VEPH1: variants seen among roughly 807,000 people sequenced by gnomAD.
VEPH1 encodes the protein ventricular zone-expressed PH domain-containing protein homolog 1.
Under a neutral mutation model 85.2 loss-of-function variants are expected in VEPH1, and 80 were observed. The ratio of observed to expected loss-of-function variants is 0.94; its 90% CI spans 0.78 to 1.13. The LOEUF is 1.13. Among genes scored for constraint, VEPH1 ranks in the 50% most tolerant of loss-of-function variants. The probability of loss-of-function intolerance (pLI) is 0.00; values close to 1 mark genes in which losing one functional copy is unlikely to be tolerated. For missense variants in VEPH1, 955 were observed against 980.5 expected (o/e 0.97, Z 0.35); for synonymous variants, 297 against 348.0 (o/e 0.85, Z 1.63).
At chr3:157,450,130 G>A (rs1198644063) in intron 4 of VEPH1, among the ~76,000 whole-genome samples, 19 of 134,130 alleles carry the variant, frequency 1.4e-4, no homozygotes, top group Non-Finnish European at 2.3e-4. Context: ...ATTACAGCTT[G>A]CTGCAGCTTC....
chr3:157,441,626 G>GGT (rs1201282751), intron 4 of VEPH1, among the ~76,000 whole-genome samples: 2 of 151,938 alleles, frequency 1.3e-5, no homozygotes, highest in Non-Finnish European at 2.9e-5. Flanking sequence ...TGGCCAACAT[G>GGT]GTGAAACCCC....
intron 5 of VEPH1, among the ~76,000 whole-genome samples, chr3:157,424,680 C>T (rs1732619813): frequency 6.6e-6 from 1 of 152,136 alleles, no homozygotes; most frequent in Non-Finnish European, 1.5e-5. Context: ...TTTGCCCCTG[C>T]CCTAGGGATT....
At chr3:157,485,481 G>A (rs1231870605) in intron 2 of VEPH1, among the ~76,000 whole-genome samples, 1 of 151,910 alleles carries the variant, frequency 6.6e-6, no homozygotes, top group African/African-American at 2.4e-5. Flanking sequence ...AAATGTTAAA[G>A]GCAACTATAT....
chr3:157,463,507 C>A (rs1270177637), intron 3 of VEPH1, among the ~76,000 whole-genome samples: 3 of 152,132 alleles, frequency 2.0e-5, no homozygotes, highest in Non-Finnish European at 2.9e-5. Context: ...TCTAGATTGT[C>A]TCCCCTCCCA....
At chr3:157,442,329 T>A in intron 4 of VEPH1, 2 of 1,467,638 alleles carry the variant, frequency 1.4e-6, no homozygotes, top group Non-Finnish European at 1.8e-6. Flanking sequence ...TAATTTATAT[T>A]TTCTTTAATA....
intron 5 of VEPH1, among the ~76,000 whole-genome samples, chr3:157,421,824 C>T (rs563120895): frequency 9.2e-5 from 14 of 152,218 alleles, no homozygotes; most frequent in Admixed American, 7.8e-4. Context: ...CACAATACCC[C>T]ATTACAACTT....
chr3:157,438,035 G>GCACACACA (rs1294089889), intron 4 of VEPH1: 34 of 701,810 alleles, frequency 4.8e-5, no homozygotes, highest in East Asian at 3.2e-4. Context: ...GCGCGCGCGC[G>GCACACACA]CGCACACACA....
intron 2 of VEPH1, among the ~76,000 whole-genome samples, chr3:157,481,693 A>G (rs1738113187): frequency 6.6e-6 from 1 of 152,142 alleles, no homozygotes; most frequent in Non-Finnish European, 1.5e-5. Context: ...CCAATGTCCA[A>G]AATGGTGTTT....
intron 9 of VEPH1, among the ~76,000 whole-genome samples, chr3:157,350,668 A>G (rs1404893881): frequency 6.6e-6 from 1 of 152,112 alleles, no homozygotes; most frequent in Non-Finnish European, 1.5e-5. Context: ...CAAATATCTT[A>G]ACAGCAAAAA....
rs775640817 is a variant in VEPH1 at position 157,460,071 on chromosome 3, A to ATTTGCTTCT, written c.529+101_529+109dup. 3 of 1,606,568 alleles carry ATTTGCTTCT rather than the reference A, an allele frequency of 1.9e-6. No homozygotes were observed. The East Asian group carries it at 6.7e-5, about 36-fold the overall frequency. Reference sequence around the variant, plus strand: ...AACTGGCAGCAAAACAGAGAAATTAATTTGCTTCTAATACTCTAGGTCTTG... The same window carrying ATTTGCTTCT: ...AACTGGCAGCAAAACAGAGAAATTAATTTGCTTCTTTTGCTTCTAATACTCTAGGTCTTG... On this transcript the variant is annotated intron_variant, in intron 4 of 13. Coordinates refer to ENST00000362010, the MANE Select transcript of VEPH1 (RefSeq NM_001167912.2).
chr3:157,277,146 C>T (rs1715506836), intron 12 of VEPH1, among the ~76,000 whole-genome samples: 2 of 152,188 alleles, frequency 1.3e-5, no homozygotes, highest in Admixed American at 1.3e-4. Context: ...CCACCTGGGC[C>T]TCCCAAAATG....
intron 11 of VEPH1, among the ~76,000 whole-genome samples, chr3:157,309,806 G>A (rs1381471532): frequency 6.6e-6 from 1 of 151,986 alleles, no homozygotes; most frequent in African/African-American, 2.4e-5. Context: ...TTGAGACAGA[G>A]TCTCACTCTG....
intron 2 of VEPH1, among the ~76,000 whole-genome samples, chr3:157,473,821 AT>A (rs912782131): frequency 4.9e-4 from 75 of 152,208 alleles, no homozygotes; most frequent in African/African-American, 1.7e-3. Flanking sequence ...TATTGAGTTT[AT>A]TTTTAAATAA....
In VEPH1 at chr3:157,304,019, T is replaced by TATATATATATATATATATATATA. The variant is rs71872669; in HGVS notation, c.2010+9601_2010+9602insTATATATATATATATATATATAT. Among the ~76,000 whole-genome samples, 433 of 51,928 alleles carry TATATATATATATATATATATATA rather than the reference T, an allele frequency of 8.3e-3. 16 individuals are homozygous for TATATATATATATATATATATATA. Among genetic ancestry groups the TATATATATATATATATATATATA allele is most frequent in the South Asian group, 0.027 (42 of 1,532 alleles). 34.1% of individuals were successfully genotyped at this position (51,928 alleles called of 152,430 possible). A position where few individuals can be genotyped will look rare whatever the true frequency, so the allele number is the denominator to read the frequency against. ...GTAGACTTAAATTTCTCATCTTATATTTTTTATATATATATATATACACAC... is the reference window on the plus strand; with the variant it reads ...GTAGACTTAAATTTCTCATCTTATATATATATATATATATATATATATATTTTTATATATATATATATACACAC... On this transcript the variant is annotated intron_variant, in intron 11 of 13. Coordinates refer to ENST00000362010, the MANE Select transcript of VEPH1 (RefSeq NM_001167912.2).
intron 9 of VEPH1, among the ~76,000 whole-genome samples, chr3:157,320,566 T>A (rs568774241): frequency 6.6e-6 from 1 of 152,266 alleles, no homozygotes; most frequent in South Asian, 2.1e-4. Flanking sequence ...GACTAAATGT[T>A]GAAGAGAGAA....
chr3:157,501,359 A>G (rs1220890617), intron 1 of VEPH1, among the ~76,000 whole-genome samples: 13 of 152,136 alleles, frequency 8.5e-5, no homozygotes, highest in Admixed American at 8.5e-4. Flanking sequence ...ATAACAGTGA[A>G]TGTTTTTACA....
intron 3 of VEPH1, among the ~76,000 whole-genome samples, chr3:157,462,434 G>A (rs1217677975): frequency 6.6e-6 from 1 of 152,086 alleles, no homozygotes; most frequent in Non-Finnish European, 1.5e-5. Context: ...AGGGTTCTAC[G>A]AAGGACAACG....
chr3:157,343,884 A>G (rs1466272125), intron 9 of VEPH1, among the ~76,000 whole-genome samples: 2 of 152,202 alleles, frequency 1.3e-5, no homozygotes. Flanking sequence ...TACGCAAATC[A>G]ATAAATGTAA....
chr3:157,369,038 C>T (rs1727080325), intron 7 of VEPH1, among the ~76,000 whole-genome samples: 2 of 151,342 alleles, frequency 1.3e-5, no homozygotes, highest in African/African-American at 4.9e-5. Context: ...ACACACAGGA[C>T]CTGGAATTTT....
Sources: allele counts gnomAD v4.1 joint callset (sites outside exome capture counted in the v4.1 genomes callset), GRCh38; gene constraint gnomAD v4.1.1; transcripts MANE v1.5; gene names NCBI Gene and HGNC (gene_info 2026-07-23, HGNC 2026-07-21).